Variants in ZPLD1 observed in about 807,000 individuals in gnomAD.
ZPLD1 encodes the protein zona pellucida-like domain-containing protein 1.
A neutral mutation model predicts 47.2 loss-of-function variants in ZPLD1; 34 were observed. That is an observed-to-expected ratio of 0.72 (90% CI 0.55 to 0.96). The LOEUF (loss-of-function observed/expected upper bound fraction) is 0.96, where lower values mean the gene tolerates loss of function less well. ZPLD1 is among the 40% of genes least tolerant of loss of function. ZPLD1 has a pLI of 0.00. For synonymous variants in ZPLD1, 176 were observed against 186.2 expected (o/e 0.95, Z 0.45); for missense variants, 512 against 505.8 (o/e 1.01, Z -0.12).
intron 7 of ZPLD1, among the ~76,000 whole-genome samples, chr3:102,411,393 C>T (rs1180006524): frequency 6.6e-6 from 1 of 151,740 alleles, no homozygotes; most frequent in Admixed American, 6.6e-5. Context: ...TAGGAATAAA[C>T]TGTATTACTA....
At chr3:102,463,598 T>C (rs1707542815) in intron 7 of ZPLD1, among the ~76,000 whole-genome samples, 2 of 152,248 alleles carry the variant, frequency 1.3e-5, no homozygotes, top group South Asian at 4.1e-4. Context: ...CTTGTATGGG[T>C]ACATAGTAGG....
At chr3:102,427,181 T>C (rs1256583857) in intron 8 of ZPLD1, among the ~76,000 whole-genome samples, 3 of 152,202 alleles carry the variant, frequency 2.0e-5, no homozygotes, top group African/African-American at 7.2e-5. Flanking sequence ...TATTGCTTCC[T>C]AAAGGCCATT....
chr3:102,394,541 G>GA (rs147438067), intron 7 of ZPLD1, among the ~76,000 whole-genome samples: 13 of 150,752 alleles, frequency 8.6e-5, no homozygotes, highest in Admixed American at 2.6e-4. Flanking sequence ...TTAAAAAAAT[G>GA]AAAAAAAAAG....
At chr3:102,386,848 A>G (rs1284972947) in intron 6 of ZPLD1, among the ~76,000 whole-genome samples, 3 of 152,172 alleles carry the variant, frequency 2.0e-5, no homozygotes, top group Non-Finnish European at 4.4e-5. Context: ...TTATAATAAA[A>G]ACAAAACTTA....
chr3:102,454,467 G>A (rs371826113), intron 4 of ZPLD1, among the ~76,000 whole-genome samples: 1 of 152,090 alleles, frequency 6.6e-6, no homozygotes, highest in South Asian at 2.1e-4. Flanking sequence ...GTGTCACCTT[G>A]CCCTGCTGCC....
At chr3:102,419,961 G>A (rs1431343585) in intron 8 of ZPLD1, among the ~76,000 whole-genome samples, 1 of 149,636 alleles carries the variant, frequency 6.7e-6, no homozygotes, top group Non-Finnish European at 1.5e-5. Context: ...TATTAATTAA[G>A]CTTGATCTGG....
intron 6 of ZPLD1, among the ~76,000 whole-genome samples, chr3:102,388,885 A>G (rs948642241): frequency 2.0e-5 from 3 of 152,232 alleles, no homozygotes; most frequent in Admixed American, 2.0e-4. Context: ...TCTGGGTGCT[A>G]CAATGTGATA....
In ZPLD1 at chr3:102,478,231, T is replaced by C. The variant is rs1707787509; in HGVS notation, c.*613T>C. Reference sequence around the variant, plus strand: ...CTGGGGCACCCTTTTGTGTAGAAGATAGTGAAAATAGTTGTTAGCTTCCAA... The same window carrying C: ...CTGGGGCACCCTTTTGTGTAGAAGACAGTGAAAATAGTTGTTAGCTTCCAA... On this transcript the variant is annotated 3_prime_UTR_variant, in exon 12 of 12. Coordinates refer to ENST00000466937, the MANE Select transcript of ZPLD1 (RefSeq NM_001329788.2). The C allele has an allele frequency of 6.6e-6, 1 of 152,150 alleles. No individual in the cohort carries two copies. The highest frequency in any genetic ancestry group is 2.4e-5 in the African/African-American group (1 of 41,430). 9.4% of individuals were successfully genotyped at this position (152,150 alleles called of 1,614,324 possible).
At chr3:102,442,503 A>T (rs1247634925) in intron 3 of ZPLD1, among the ~76,000 whole-genome samples, 1 of 151,998 alleles carries the variant, frequency 6.6e-6, no homozygotes, top group Admixed American at 6.6e-5. Context: ...ATTTTTTTGG[A>T]GGTTGTTTGC....
At chr3:102,397,708 C>T (rs1455230822) in intron 7 of ZPLD1, among the ~76,000 whole-genome samples, 1 of 152,098 alleles carries the variant, frequency 6.6e-6, no homozygotes, top group East Asian at 1.9e-4. Flanking sequence ...CATTATCTGC[C>T]ACCTGTTCAG....
intron 7 of ZPLD1, among the ~76,000 whole-genome samples, chr3:102,402,998 C>A (rs1489184579): frequency 6.6e-6 from 1 of 151,914 alleles, no homozygotes; most frequent in Non-Finnish European, 1.5e-5. Context: ...CAAAATGTAT[C>A]AATATTCAGC....
chr3:102,457,883 C>G (rs1707443931), intron 6 of ZPLD1, 30 bp downstream of exon 6: 1 of 1,607,214 alleles, frequency 6.2e-7, no homozygotes, highest in African/African-American at 1.3e-5. Context: ...ATGTTATTTT[C>G]TCTTTCACTG....
At position 102,469,118 on chromosome 3, in the gene ZPLD1, T is replaced by C; in HGVS notation, c.916T>C (p.Cys306Arg). 6.2e-7 allele frequency: 1 copy of C among 1,611,476 alleles called. No individual in the cohort carries two copies. The highest frequency in any genetic ancestry group is 8.5e-7 in the Non-Finnish European group (1 of 1,179,230). The change falls in exon 9 of 12, where the codon TGC (cysteine) becomes CGC (arginine). Residue 306 changes from cysteine to arginine, a missense_variant. Coordinates refer to ENST00000466937, the MANE Select transcript of ZPLD1 (RefSeq NM_001329788.2). ...CVTKLCRADD[C>R]PFLMPICSHR... ...TACCAAGCTCTGCAGAGCAGATGAC[T>C]GCCCCTTCCTTATGCCGGTATGTTT...
At chr3:102,421,783 A>G (rs1386737472) in intron 8 of ZPLD1, among the ~76,000 whole-genome samples, 1 of 151,914 alleles carries the variant, frequency 6.6e-6, no homozygotes, top group African/African-American at 2.4e-5. Flanking sequence ...CTAGTTACAG[A>G]ACATAAAAAT....
chr3:102,396,645 A>C (rs2107288403), intron 7 of ZPLD1, among the ~76,000 whole-genome samples: 1 of 152,282 alleles, frequency 6.6e-6, no homozygotes, highest in Admixed American at 6.5e-5. Context: ...CTGGGAGAAG[A>C]TAAGTAACTT....
chr3:102,443,359 C>A (rs1157286470), intron 3 of ZPLD1, among the ~76,000 whole-genome samples: 1 of 152,114 alleles, frequency 6.6e-6, no homozygotes, highest in Non-Finnish European at 1.5e-5. Context: ...AATAAACTTA[C>A]AAAATCTTTT....
chr3:102,399,275 T>G (rs538417407), intron 7 of ZPLD1, among the ~76,000 whole-genome samples: 2 of 152,252 alleles, frequency 1.3e-5, no homozygotes, highest in South Asian at 2.1e-4. Flanking sequence ...CCATTATTTT[T>G]AGGTTACAAT....
At chr3:102,416,790 C>T (rs553255390) in intron 7 of ZPLD1, among the ~76,000 whole-genome samples, 1 of 150,632 alleles carries the variant, frequency 6.6e-6, no homozygotes, top group East Asian at 2.0e-4. Context: ...CTTCACTATT[C>T]GTGGGTAGAA....
chr3:102,442,658 A>G (rs1385201399), intron 3 of ZPLD1, among the ~76,000 whole-genome samples: 1 of 152,150 alleles, frequency 6.6e-6, no homozygotes, highest in African/African-American at 2.4e-5. Context: ...AATGGGATGG[A>G]ATGAGAATGA....
Sources: allele counts gnomAD v4.1 joint callset (sites outside exome capture counted in the v4.1 genomes callset), GRCh38; gene constraint gnomAD v4.1.1; transcripts MANE v1.5; gene names NCBI Gene and HGNC (gene_info 2026-07-23, HGNC 2026-07-21).